The following PXDNL variants were observed in gnomAD, a reference collection of about 807,000 sequenced individuals.
The protein encoded by PXDNL is probable oxidoreductase PXDNL.
Under a neutral mutation model 150.8 loss-of-function variants are expected in PXDNL, and 145 were observed. The ratio of observed to expected loss-of-function variants is 0.96; its 90% CI spans 0.84 to 1.10. PXDNL has a LOEUF of 1.10. PXDNL is among the 50% of genes least tolerant of loss of function. The pLI is 0.00. For missense variants in PXDNL, 2,087 were observed against 1,873.9 expected (o/e 1.11, Z -2.10); for synonymous variants, 757 against 725.7 (o/e 1.04, Z -0.69).
At chr8:51,526,472 T>C (rs551139537) in intron 4 of PXDNL, among the ~76,000 whole-genome samples, 1 of 152,212 alleles carries the variant, frequency 6.6e-6, no homozygotes, top group South Asian at 2.1e-4. Context: ...TATACAGCCA[T>C]CTAGAAGCGA....
chr8:51,516,827 C>A (rs1452737996), intron 4 of PXDNL, among the ~76,000 whole-genome samples: 1 of 152,116 alleles, frequency 6.6e-6, no homozygotes, highest in Non-Finnish European at 1.5e-5. Flanking sequence ...AATAGATGCT[C>A]CCTGCCTAAA....
At chr8:51,520,367 A>G (rs941686383) in intron 4 of PXDNL, among the ~76,000 whole-genome samples, 1 of 150,894 alleles carries the variant, frequency 6.6e-6, no homozygotes, top group African/African-American at 2.4e-5. Context: ...GAATATGTGG[A>G]CTGGAACCTG....
At chr8:51,609,014 G>A (rs936690133) in intron 2 of PXDNL, among the ~76,000 whole-genome samples, 3 of 152,140 alleles carry the variant, frequency 2.0e-5, no homozygotes, top group Admixed American at 2.0e-4. Context: ...AGGATTAAGT[G>A]GAAAATTCTA....
At chr8:51,322,813 G>C (rs73577680) in intron 21 of PXDNL, among the ~76,000 whole-genome samples, 6,205 of 152,234 alleles carry the variant, frequency 0.041, 416 homozygotes, top group African/African-American at 0.14. Flanking sequence ...CAGGAGGGTT[G>C]GTTCTTGGAA....
At chr8:51,536,892 C>G (rs1812089617) in intron 4 of PXDNL, among the ~76,000 whole-genome samples, 1 of 152,170 alleles carries the variant, frequency 6.6e-6, no homozygotes, top group South Asian at 2.1e-4. Flanking sequence ...TTCACGACTT[C>G]TATTTCTTAG....
At position 51,423,596 on chromosome 8, in the gene PXDNL, T is replaced by C; in HGVS notation, c.1774A>G (p.Asn592Asp). The C allele has an allele frequency of 6.2e-7, 1 of 1,613,754 alleles. No individual in the cohort carries two copies. Among genetic ancestry groups the C allele is most frequent in the Non-Finnish European group, 8.5e-7 (1 of 1,179,784 alleles). The change falls in exon 14 of 23, where the codon AAC becomes GAC. Residue 592 changes from asparagine to aspartate, a missense_variant. Coordinates refer to ENST00000356297, the MANE Select transcript of PXDNL (RefSeq NM_144651.5). The stretch of plus-strand genomic sequence containing the variant: ...CTACCCGTGACTGTAAGAAACATGT[T>C]GGTCACAGCAAGGCCAAAAGAATTC... ...ARNSFGLAVT[N>D]MFLTVTAIQG...
intron 2 of PXDNL, among the ~76,000 whole-genome samples, chr8:51,653,939 C>T (rs1815095078): frequency 1.3e-5 from 2 of 152,182 alleles, no homozygotes; most frequent in Non-Finnish European, 2.9e-5. Context: ...CTCCAGTCAT[C>T]ATCTCTCATA....
chr8:51,650,491 T>A (rs1041942236), intron 2 of PXDNL, among the ~76,000 whole-genome samples: 10 of 152,172 alleles, frequency 6.6e-5, no homozygotes, highest in African/African-American at 2.4e-4. Flanking sequence ...AGAAATTTAT[T>A]AGGAAGAGAT....
At chr8:51,669,537 G>A (rs1172545809) in intron 1 of PXDNL, among the ~76,000 whole-genome samples, 1 of 152,172 alleles carries the variant, frequency 6.6e-6, no homozygotes. Context: ...TTAAGAGATG[G>A]TTGGTTGGTC....
At chr8:51,563,998 C>T (rs1812764280) in intron 3 of PXDNL, among the ~76,000 whole-genome samples, 1 of 151,858 alleles carries the variant, frequency 6.6e-6, no homozygotes, top group Non-Finnish European at 1.5e-5. Flanking sequence ...TCTATATACA[C>T]AAAATCTAAA....
intron 4 of PXDNL, among the ~76,000 whole-genome samples, chr8:51,544,773 G>A (rs1368604916): frequency 6.6e-6 from 1 of 152,128 alleles, no homozygotes; most frequent in Non-Finnish European, 1.5e-5. Context: ...TATATCTGTA[G>A]CAGGATTGGC....
At chr8:51,760,198 A>G (rs1004304835) in intron 1 of PXDNL, among the ~76,000 whole-genome samples, 4 of 152,248 alleles carry the variant, frequency 2.6e-5, no homozygotes, top group African/African-American at 4.8e-5. Flanking sequence ...GAGTAAAAGT[A>G]TATATTAATA....
intron 8 of PXDNL, among the ~76,000 whole-genome samples, chr8:51,465,876 A>G (rs1372234157): frequency 1.3e-5 from 2 of 152,160 alleles, no homozygotes; most frequent in Non-Finnish European, 2.9e-5. Flanking sequence ...AACTCAAAAC[A>G]TTGTTGAAAG....
intron 1 of PXDNL, among the ~76,000 whole-genome samples, chr8:51,769,931 G>A (rs1243799535): frequency 6.6e-6 from 1 of 152,170 alleles, no homozygotes; most frequent in Non-Finnish European, 1.5e-5. Flanking sequence ...GGACCTGAGT[G>A]AATGTCCAAT....
chr8:51,658,809 T>G (rs1270204380), intron 1 of PXDNL, among the ~76,000 whole-genome samples: 3 of 152,236 alleles, frequency 2.0e-5, no homozygotes, highest in African/African-American at 7.2e-5. Flanking sequence ...GTTCCTTGTC[T>G]ACACATAAAG....
intron 17 of PXDNL, among the ~76,000 whole-genome samples, chr8:51,385,256 T>G (rs988083870): frequency 4.8e-4 from 73 of 151,664 alleles, no homozygotes; most frequent in Admixed American, 3.4e-3. Context: ...TAAATAAACA[T>G]CAAGTGTTAA....
intron 21 of PXDNL, among the ~76,000 whole-genome samples, chr8:51,331,552 C>T (rs1805689081): frequency 6.6e-6 from 1 of 152,160 alleles, no homozygotes; most frequent in South Asian, 2.1e-4. Flanking sequence ...AAGCCCTTTT[C>T]TTTCGTAGCT....
chr8:51,389,795 A>G (rs1807835675), intron 17 of PXDNL, among the ~76,000 whole-genome samples: 1 of 152,140 alleles, frequency 6.6e-6, no homozygotes, highest in African/African-American at 2.4e-5. Flanking sequence ...ATTTTACTGA[A>G]CTTATTATTT....
chr8:51,390,459 C>G (rs896116851), intron 17 of PXDNL, among the ~76,000 whole-genome samples: 1 of 152,130 alleles, frequency 6.6e-6, no homozygotes, highest in East Asian at 1.9e-4. Context: ...TTCTGAAATT[C>G]TCCGCCTTCT....
Sources: allele counts gnomAD v4.1 joint callset (sites outside exome capture counted in the v4.1 genomes callset), GRCh38; gene constraint gnomAD v4.1.1; transcripts MANE v1.5; gene names NCBI Gene and HGNC (gene_info 2026-07-23, HGNC 2026-07-21).